The following SDK1 variants were observed in gnomAD, a reference collection of about 807,000 sequenced individuals.
SDK1 encodes sidekick cell adhesion molecule 1, also known as protein sidekick-1.
Under a neutral mutation model 245.5 loss-of-function variants are expected in SDK1, and 157 were observed. That is an observed-to-expected ratio of 0.64 (90% confidence interval 0.56 to 0.73). SDK1 has a LOEUF of 0.73. SDK1 is among the 30% of genes least tolerant of loss of function. The pLI is 0.00. For synonymous variants in SDK1, 1,647 were observed against 1,278.5 expected, an observed-to-expected ratio of 1.29 and a Z score of -6.15; for missense variants, 3,583 against 3,002.3, an observed-to-expected ratio of 1.19 and a Z score of -4.52.
At position 4,108,072 on chromosome 7, in the gene SDK1, T is replaced by C. The variant is rs113188330; in HGVS notation, c.3325-2591T>C. Among the ~76,000 whole-genome samples the C allele has an allele frequency of 2.3e-3, 346 of 152,326 alleles. 2 individuals are homozygous for C. The highest frequency in any genetic ancestry group is 3.8e-3 in the Non-Finnish European group (256 of 68,034). On this transcript the variant is annotated intron_variant, in intron 22 of 44. Coordinates refer to ENST00000404826, the MANE Select transcript of SDK1 (RefSeq NM_152744.4). ...AGACACTGTGCCGGGGCCAGAGCTT[T>C]CAAGCCAACCTGAGTGAGCTCCTCT...
At chr7:3,710,326 C>T (rs540551764) in intron 4 of SDK1, among the ~76,000 whole-genome samples, 1 of 152,228 alleles carries the variant, frequency 6.6e-6, no homozygotes. Context: ...TCCTCACATA[C>T]TGAACACACA....
At chr7:3,679,277 G>A (rs572321963) in intron 4 of SDK1, among the ~76,000 whole-genome samples, 1 of 152,194 alleles carries the variant, frequency 6.6e-6, no homozygotes, top group East Asian at 1.9e-4. Context: ...TAGAAAATGG[G>A]CAAAGGAGGC....
chr7:3,756,949 G>C (rs1779949937), intron 4 of SDK1, among the ~76,000 whole-genome samples: 1 of 152,080 alleles, frequency 6.6e-6, no homozygotes, highest in Non-Finnish European at 1.5e-5. Context: ...TGACAGTTAG[G>C]GTTTTCCACT....
intron 1 of SDK1, among the ~76,000 whole-genome samples, chr7:3,403,844 T>TATATATATATATATATATATATATA (rs1275428253): frequency 2.1e-5 from 2 of 93,464 alleles, no homozygotes; most frequent in Non-Finnish European, 3.8e-5. Flanking sequence ...TATATATATA[T>TATATATATATATATATATATATATA]ATATATATAT....
chr7:3,619,064 T>C lies in SDK1; in HGVS notation c.299-16T>C, dbSNP rs150531708. On this transcript the variant is annotated splice_polypyrimidine_tract_variant and intron_variant, in intron 1 of 44. Transcript: ENST00000404826. ...CGTACTTCAGTTTTGTTTTGTTTTG[T>C]TTTTTAATATTTCAGATGATGTTGC... The C allele has an allele frequency of 4.7e-5, 73 of 1,545,818 alleles. No individual in the cohort carries two copies. The African/African-American group carries it at 9.3e-4, about 20-fold the overall frequency.
chr7:4,238,215 G>A (rs1239136308), intron 42 of SDK1, among the ~76,000 whole-genome samples: 1 of 152,054 alleles, frequency 6.6e-6, no homozygotes, highest in African/African-American at 2.4e-5. Flanking sequence ...GAGTAGCTGG[G>A]ATTACAGGCG....
intron 5 of SDK1, among the ~76,000 whole-genome samples, chr7:3,868,081 A>G (rs186297722): frequency 2.9e-4 from 44 of 152,360 alleles, no homozygotes; most frequent in African/African-American, 9.9e-4. Flanking sequence ...GGCTGCCATC[A>G]TGAAGGACTG....
intron 27 of SDK1, chr7:4,130,308 C>T (rs1273486166): frequency 1.7e-6 from 1 of 595,274 alleles, no homozygotes; most frequent in Non-Finnish European, 2.9e-6. Context: ...TAATTATGAA[C>T]CTGTACTGAG....
intron 1 of SDK1, among the ~76,000 whole-genome samples, chr7:3,583,104 C>G (rs886275507): frequency 6.6e-6 from 1 of 152,112 alleles, no homozygotes; most frequent in Non-Finnish European, 1.5e-5. Context: ...ATGTTGGAGA[C>G]CGGAGGTATC....
intron 1 of SDK1, among the ~76,000 whole-genome samples, chr7:3,573,869 A>T (rs1780196819): frequency 2.0e-5 from 3 of 152,038 alleles, no homozygotes; most frequent in African/African-American, 7.2e-5. Flanking sequence ...TTAAAAAATA[A>T]ATAAATAAAC....
intron 1 of SDK1, among the ~76,000 whole-genome samples, chr7:3,469,086 C>A (rs538205155): frequency 6.6e-6 from 1 of 152,086 alleles, no homozygotes; most frequent in East Asian, 1.9e-4. Context: ...TTTTAGAGAC[C>A]AGAGTCTGTT....
At chr7:3,730,707 TCCTTCCA>T (rs1040515807) in intron 4 of SDK1, among the ~76,000 whole-genome samples, 32 of 152,136 alleles carry the variant, frequency 2.1e-4, no homozygotes, top group Non-Finnish European at 2.4e-4. Flanking sequence ...ACGTTCATAT[TCCTTCCA>T]GGAAACTATC....
Position 4,268,303 on chromosome 7 carries a change from C to T in SDK1, c.*2919C>T. 1 of 1,024,924 alleles carries T rather than the reference C, an allele frequency of 9.8e-7. No individual in the cohort carries two copies. The highest frequency in any genetic ancestry group is 1.2e-6 in the Non-Finnish European group (1 of 853,428). The allele number at this position is 1,024,924 out of a possible 1,614,324, so 63.5% of individuals were successfully genotyped here. On this transcript the variant is annotated 3_prime_UTR_variant, in exon 45 of 45. Coordinates refer to ENST00000404826, the MANE Select transcript of SDK1 (RefSeq NM_152744.4). ...TGCAGAGCTCCCTCCTCCTGGGGTG[C>T]CAGGGCAGAGATTCCAGGCAGGTGA... is the stretch of plus-strand genomic sequence containing the variant.
chr7:3,405,162 A>G (rs988279591), intron 1 of SDK1, among the ~76,000 whole-genome samples: 1 of 138,112 alleles, frequency 7.2e-6, no homozygotes, highest in African/African-American at 2.8e-5. Context: ...AAAAAACCAA[A>G]AAAAAAAACA....
At chr7:3,915,755 G>A (rs546527071) in intron 5 of SDK1, among the ~76,000 whole-genome samples, 39 of 152,302 alleles carry the variant, frequency 2.6e-4, no homozygotes, top group African/African-American at 9.1e-4. Context: ...ACCCTTGAGA[G>A]CTTAGTACCA....
At position 4,112,770 on chromosome 7, in the gene SDK1, T is replaced by C. The variant is rs567338685; in HGVS notation, c.3435-519T>C. On this transcript the variant is annotated intron_variant, in intron 23 of 44. Coordinates refer to ENST00000404826, the MANE Select transcript of SDK1 (RefSeq NM_152744.4). ...ATATGCAATTTGCATTTTTTTTTTT[T>C]CTGAGGCAGAGTCTCGCTCTGTCAC... 6.7e-4 allele frequency among the ~76,000 whole-genome samples: 102 copies of C among 151,918 alleles called. 1 individual carries two copies. In the East Asian group the frequency reaches 0.018, roughly 27 times the overall value.
intron 5 of SDK1, among the ~76,000 whole-genome samples, chr7:3,906,617 C>CTTTTTTTTTT: frequency 3.5e-5 from 2 of 57,192 alleles, no homozygotes; most frequent in Non-Finnish European, 6.3e-5. Context: ...ATTTCAGTGT[C>CTTTTTTTTTT]TTTTTTTTTT....
intron 4 of SDK1, among the ~76,000 whole-genome samples, chr7:3,675,771 C>T (rs531396462): frequency 4.6e-5 from 7 of 152,294 alleles, no homozygotes; most frequent in African/African-American, 1.7e-4. Context: ...TCAAGTGATC[C>T]TCCCACCTTG....
intron 4 of SDK1, among the ~76,000 whole-genome samples, chr7:3,734,894 G>A (rs1779277612): frequency 6.6e-6 from 1 of 152,212 alleles, no homozygotes; most frequent in Non-Finnish European, 1.5e-5. Context: ...CACGTAGCAA[G>A]CAGTCAGTCC....
Sources: gnomAD v4.1 joint callset for allele counts (sites outside exome capture counted in the v4.1 genomes callset) on GRCh38, gnomAD v4.1.1 for gene constraint, MANE v1.5 for transcripts, NCBI Gene and HGNC (gene_info 2026-07-23, HGNC 2026-07-21) for gene names.